TTI1: variants seen among roughly 807,000 people sequenced by gnomAD.
The protein encoded by TTI1 is TELO2-interacting protein 1 homolog.
Under a neutral mutation model 85.4 loss-of-function variants are expected in TTI1, and 52 were observed. That is an observed-to-expected ratio of 0.61 (90% confidence interval 0.49 to 0.77). TTI1 has a LOEUF of 0.77. TTI1 is among the 30% of genes least tolerant of loss of function. The pLI is 0.00. For synonymous variants in TTI1, 512 were observed against 503.9 expected (o/e 1.02, Z -0.22); for missense variants, 1,173 against 1,296.0 (o/e 0.91, Z 1.46).
In TTI1 at chr20:38,012,585, A is replaced by G; in HGVS notation, c.1232T>C (p.Leu411Ser). ...LSLLLGYLKL[L>S]GPKINFVLNS... ...GAGGACAAAGTTTATTTTTGGGCCC[A>G]AGAGTTTCAGATAACCAAGTAACAA... Residue 411 changes from leucine (L) to serine (S), a missense_variant, in exon 2 of 8, where the codon TTG (leucine) becomes TCG (serine). Leu to Ser is a moderately radical substitution (Grantham distance 145). Coordinates refer to ENST00000373447, the MANE Select transcript of TTI1 (RefSeq NM_001303457.2). The G allele has an allele frequency of 6.2e-7, 1 of 1,614,200 alleles. No individual in the cohort carries two copies. The highest frequency in any genetic ancestry group is 8.5e-7 in the Non-Finnish European group (1 of 1,180,032).
chr20:38,007,711 C>T (rs115952514), intron 2 of TTI1, among the ~76,000 whole-genome samples: 1 of 152,216 alleles, frequency 6.6e-6, no homozygotes, highest in East Asian at 1.9e-4. Context: ...ATCTCCTTTT[C>T]ATCAAAGAGC....
At chr20:37,999,591 G>A (rs1654795331) in intron 4 of TTI1, among the ~76,000 whole-genome samples, 1 of 152,146 alleles carries the variant, frequency 6.6e-6, no homozygotes, top group African/African-American at 2.4e-5. Context: ...ATTAGCAATT[G>A]GGACAAGAAG....
intron 7 of TTI1, among the ~76,000 whole-genome samples, chr20:37,983,864 C>T (rs1329501880): frequency 6.6e-6 from 1 of 152,220 alleles, no homozygotes; most frequent in Non-Finnish European, 1.5e-5. Flanking sequence ...TATCCATCGA[C>T]ATACAGAAAC....
At chr20:38,025,758 T>C (rs1282582549) in intron 1 of TTI1, among the ~76,000 whole-genome samples, 2 of 151,614 alleles carry the variant, frequency 1.3e-5, no homozygotes, top group Non-Finnish European at 2.9e-5. Context: ...AAAGAAGATA[T>C]AAAGAAACAA....
chr20:37,984,431 G>A (rs2073164081), intron 7 of TTI1, among the ~76,000 whole-genome samples: 1 of 152,170 alleles, frequency 6.6e-6, no homozygotes, highest in African/African-American at 2.4e-5. Flanking sequence ...TCTGAACTTT[G>A]GGGTCACAAC....
In TTI1 at chr20:38,013,382, G is replaced by A; in HGVS notation, c.435C>T (p.Pro145=). 2 of 1,614,082 alleles carry A rather than the reference G, an allele frequency of 1.2e-6. No homozygotes were observed. Among genetic ancestry groups the A allele is most frequent in the South Asian group, 2.2e-5 (2 of 91,082 alleles). ...CAAATCCTAAACGTGGCAGAATGGAGGGCTCATAAAAAGTCAGAATGATGT... is the reference window on the plus strand; with the variant it reads ...CAAATCCTAAACGTGGCAGAATGGAAGGCTCATAAAAAGTCAGAATGATGT... ...YGDIILTFYE[P]SILPRLGFAV... is the part of the protein sequence containing the mutation. The change falls in exon 2 of 8, where the codon CCC becomes CCT. Residue 145 remains proline (P), a synonymous_variant. Coordinates refer to ENST00000373447, the MANE Select transcript of TTI1 (RefSeq NM_001303457.2).
intron 6 of TTI1, 89 bp downstream of exon 6, chr20:37,996,660 G>A: frequency 6.8e-7 from 1 of 1,474,152 alleles, no homozygotes; most frequent in South Asian, 1.3e-5. Context: ...GAGGGGAGGG[G>A]AGGGGGGCAC....
At chr20:37,984,993 A>G (rs1390164023) in intron 7 of TTI1, among the ~76,000 whole-genome samples, 1 of 152,234 alleles carries the variant, frequency 6.6e-6, no homozygotes, top group African/African-American at 2.4e-5. Context: ...AACCCTCTCT[A>G]GAATATTTAA....
chr20:38,017,889 C>G (rs965933098), intron 1 of TTI1, among the ~76,000 whole-genome samples: 2 of 152,172 alleles, frequency 1.3e-5, no homozygotes, highest in Non-Finnish European at 2.9e-5. Flanking sequence ...GGACCATACT[C>G]TAATAAGGAT....
At chr20:38,033,370 G>A in intron 1 of TTI1, 34 bp downstream of exon 1, 1 of 153,812 alleles carries the variant, frequency 6.5e-6, no homozygotes, top group African/African-American at 2.4e-5. Flanking sequence ...CCCAGCTGCT[G>A]GGCTCCCTCT....
intron 2 of TTI1, among the ~76,000 whole-genome samples, chr20:38,009,723 G>C (rs1169994616): frequency 3.3e-5 from 5 of 152,056 alleles, no homozygotes; most frequent in Non-Finnish European, 5.9e-5. Flanking sequence ...GGCTGGTCTT[G>C]AACTCCTGGG....
intron 1 of TTI1, among the ~76,000 whole-genome samples, chr20:38,019,459 G>A (rs1433281861): frequency 6.6e-6 from 1 of 152,146 alleles, no homozygotes; most frequent in Non-Finnish European, 1.5e-5. Flanking sequence ...GTGTAATGAA[G>A]TGATAAAATA....
chr20:38,002,895 C>T (rs574868394), intron 3 of TTI1, 119 bp from the exon 4 acceptor site: 2 of 1,340,264 alleles, frequency 1.5e-6, no homozygotes, highest in Non-Finnish European at 2.1e-6. Flanking sequence ...CACAAATGGA[C>T]TGAGACACCT....
chr20:38,015,349 G>A (rs1473567104), intron 1 of TTI1, among the ~76,000 whole-genome samples: 1 of 152,162 alleles, frequency 6.6e-6, no homozygotes, highest in African/African-American at 2.4e-5. Context: ...GCCAGAGAAG[G>A]GAAGAAGCTT....
At chr20:38,018,764 A>T (rs895062129) in intron 1 of TTI1, among the ~76,000 whole-genome samples, 5 of 152,160 alleles carry the variant, frequency 3.3e-5, no homozygotes, top group Non-Finnish European at 5.9e-5. Context: ...ATCTAAAGAA[A>T]ATAATTCCCA....
chr20:37,987,016 G>A (rs1364921452), intron 7 of TTI1: 1 of 371,244 alleles, frequency 2.7e-6, no homozygotes, highest in Non-Finnish European at 5.4e-6. Context: ...CAAATGCCAT[G>A]CCATGCAACC....
intron 3 of TTI1, among the ~76,000 whole-genome samples, chr20:38,004,186 T>A (rs2073465624): frequency 1.3e-5 from 2 of 152,168 alleles, no homozygotes; most frequent in African/African-American, 4.8e-5. Flanking sequence ...CTGCGTTGCA[T>A]GAGATAGATG....
chr20:37,999,302 C>T lies in TTI1; in HGVS notation c.2679G>A (p.Val893=). Residue 893 remains valine, a synonymous_variant, in exon 5 of 8, where the codon GTG becomes GTA. Coordinates refer to ENST00000373447, the MANE Select transcript of TTI1 (RefSeq NM_001303457.2). ...GGTTTTTGTGGGACTGAAGAACAAC[C>T]ACACACAGATCCAGCACATCCAAGA... The part of the protein sequence containing the change: ...LKVLDVLDLC[V]VVLQSHKNQL... 1.3e-6 allele frequency: 2 copies of T among 1,485,696 alleles called. No homozygotes were observed. The highest frequency in any genetic ancestry group is 1.8e-6 in the Non-Finnish European group (2 of 1,112,382). 92.0% of individuals were successfully genotyped at this position (1,485,696 alleles called of 1,614,324 possible). A position where few individuals can be genotyped will look rare whatever the true frequency, so the allele number is the denominator to read the frequency against.
intron 7 of TTI1, among the ~76,000 whole-genome samples, chr20:37,986,093 A>G (rs970442034): frequency 6.6e-6 from 1 of 152,230 alleles, no homozygotes; most frequent in Non-Finnish European, 1.5e-5. Flanking sequence ...TACACGTGAC[A>G]CAGTTGACAG....
Sources: gnomAD v4.1 joint callset for allele counts (sites outside exome capture counted in the v4.1 genomes callset) on GRCh38, gnomAD v4.1.1 for gene constraint, MANE v1.5 for transcripts, NCBI Gene and HGNC (gene_info 2026-07-23, HGNC 2026-07-21) for gene names.